Variants in NT5E observed in about 807,000 individuals in gnomAD.
NT5E encodes 5'-nucleotidase.
Under a neutral mutation model 55.1 loss-of-function variants are expected in NT5E, and 53 were observed. That is an observed-to-expected ratio of 0.96 (90% confidence interval 0.77 to 1.21). The LOEUF (loss-of-function observed/expected upper bound fraction) is 1.21. Among genes scored for constraint, NT5E ranks in the 50% most tolerant of loss-of-function variants. The pLI, the probability that NT5E is intolerant of heterozygous loss-of-function variation, is 0.00. For synonymous variants in NT5E, 270 were observed against 278.4 expected, an observed-to-expected ratio of 0.97 and a Z score of 0.30; for missense variants, 683 against 724.3, an observed-to-expected ratio of 0.94 and a Z score of 0.65.
At position 85,450,383 on chromosome 6, in the gene NT5E, G is replaced by C. The variant is rs765998698; in HGVS notation, c.244G>C (p.Asp82His). ...RRAEPNVLLL[D>H]AGDQYQGTIW... The stretch of plus-strand genomic sequence containing the variant: ...CGCCGAACCCAACGTGCTGCTGCTG[G>C]ACGCCGGCGACCAGTACCAGGGCAC... The change falls in exon 1 of 9, where the codon GAC (aspartate) becomes CAC (histidine). Residue 82 changes from aspartate to histidine, a missense_variant. Transcript: ENST00000257770. This position sits in a 1 kb window ranked among gnomAD's most constrained non-coding sequence, Gnocchi z 4.0. The C allele has an allele frequency of 6.3e-7, 1 of 1,599,890 alleles. No homozygotes were observed.
chr6:85,491,685 T>G (rs1325077200), intron 7 of NT5E, among the ~76,000 whole-genome samples: 1 of 152,234 alleles, frequency 6.6e-6, no homozygotes, highest in Non-Finnish European at 1.5e-5. Context: ...GTAGACCAAT[T>G]CAGCATTTTA....
At chr6:85,492,624 T>G (rs1769810033) in intron 8 of NT5E, among the ~76,000 whole-genome samples, 1 of 152,124 alleles carries the variant, frequency 6.6e-6, no homozygotes, top group Non-Finnish European at 1.5e-5. Context: ...GCACAGTGGG[T>G]TGGTGGTACA....
chr6:85,490,509 C>A lies in NT5E; in HGVS notation c.1212C>A (p.Gly404=). ...TGCCTCATCTGTGACTACCCTCAGGCACAATTACCTGGGAGAACCTGGCTG... is the reference window on the plus strand; with the variant it reads ...TGCCTCATCTGTGACTACCCTCAGGAACAATTACCTGGGAGAACCTGGCTG... ...IRSPIDERNN[G]TITWENLAAV... Residue 404 remains glycine (G), a splice_region_variant and synonymous_variant, in exon 7 of 9, where the codon GGC becomes GGA. Transcript: ENST00000257770. 2.5e-6 allele frequency: 4 copies of A among 1,614,210 alleles called. No individual in the cohort carries two copies. Among genetic ancestry groups the A allele is most frequent in the Non-Finnish European group, 3.4e-6 (4 of 1,180,020 alleles).
chr6:85,492,478 T>C (rs566397818), intron 8 of NT5E, among the ~76,000 whole-genome samples: 4 of 152,376 alleles, frequency 2.6e-5, no homozygotes, highest in Non-Finnish European at 5.9e-5. Flanking sequence ...GAGTTTTGCA[T>C]TAACAGAAAT....
intron 3 of NT5E, among the ~76,000 whole-genome samples, chr6:85,478,373 G>A (rs961164953): frequency 6.6e-6 from 1 of 152,236 alleles, no homozygotes; most frequent in Admixed American, 6.5e-5. Flanking sequence ...CAGCTACTGT[G>A]AAGTCTTAAG....
intron 8 of NT5E, among the ~76,000 whole-genome samples, chr6:85,493,434 A>T (rs776006165): frequency 1.8e-4 from 27 of 152,168 alleles, no homozygotes; most frequent in Non-Finnish European, 2.8e-4. Flanking sequence ...GGTAAAGGAA[A>T]TCCCCCAAGT....
rs574498075 is a variant in NT5E, at chr6:85,486,304, T to C, written c.949+872T>C. The stretch of plus-strand genomic sequence containing the variant: ...TTTCCATAACCTATGATTAGCAAGA[T>C]ATTAATCAGCAGTAACAATTGCAAC... On this transcript the variant is annotated intron_variant, in intron 4 of 8. Transcript: ENST00000257770. Among the ~76,000 whole-genome samples, 9 of 152,336 alleles carry C rather than the reference T, an allele frequency of 5.9e-5. No homozygotes were observed. The South Asian group carries it at 1.9e-3, about 32-fold the overall frequency.
intron 1 of NT5E, among the ~76,000 whole-genome samples, chr6:85,458,374 T>C (rs1452628299): frequency 1.3e-5 from 2 of 152,230 alleles, no homozygotes; most frequent in Non-Finnish European, 2.9e-5. Context: ...CTCTGCTTCC[T>C]CTTTTTCAGT....
chr6:85,492,988 G>A (rs1322019732), intron 8 of NT5E, among the ~76,000 whole-genome samples: 1 of 152,132 alleles, frequency 6.6e-6, no homozygotes, highest in East Asian at 1.9e-4. Flanking sequence ...TCCCTTCCGT[G>A]ACAGAAGATG....
chr6:85,450,371 G>A lies in NT5E; in HGVS notation c.232G>A (p.Val78Met), dbSNP rs773033652. 2 of 1,598,324 alleles carry A rather than the reference G, an allele frequency of 1.3e-6. No individual in the cohort carries two copies. Among genetic ancestry groups the A allele is most frequent in the Non-Finnish European group, 8.5e-7 (1 of 1,173,694 alleles). Residue 78 changes from valine to methionine, a missense_variant, in exon 1 of 9, where the codon GTG becomes ATG. Physicochemically the swap from Val to Met is conservative, Grantham distance 21. Coordinates refer to ENST00000257770, the MANE Select transcript of NT5E (RefSeq NM_002526.4). The surrounding 1 kb of genome is among the most constrained non-coding windows in gnomAD (Gnocchi z 4.0). ...GCAGATCCGCCGCGCCGAACCCAAC[G>A]TGCTGCTGCTGGACGCCGGCGACCA... ...VQQIRRAEPN[V>M]LLLDAGDQYQ...
intron 8 of NT5E, among the ~76,000 whole-genome samples, 174 bp from the exon 9 acceptor site, chr6:85,493,667 G>A (rs1769833452): frequency 6.6e-6 from 1 of 152,062 alleles, no homozygotes; most frequent in Admixed American, 6.5e-5. Flanking sequence ...TTTACATCTG[G>A]AGCATGAAAA....
rs67527174 is a variant in NT5E at position 85,464,067 on chromosome 6, A to ATTT, written c.340-2969_340-2967dup. Among the ~76,000 whole-genome samples, 77 of 98,438 alleles carry ATTT rather than the reference A, an allele frequency of 7.8e-4. 2 individuals are homozygous for ATTT. Among genetic ancestry groups the ATTT allele is most frequent in the African/African-American group, 1.9e-3 (49 of 25,722 alleles). 64.6% of individuals were successfully genotyped at this position (98,438 alleles called of 152,430 possible). A position where few individuals can be genotyped will look rare whatever the true frequency, so the allele number is the denominator to read the frequency against. The stretch of plus-strand genomic sequence containing the variant: ...ACATTTGCTGTGCAAGTAGTTAGGA[A>ATTT]TTTTTTTTTTTTTTTTTTTTTTTTT... On this transcript the variant is annotated intron_variant, in intron 1 of 8. Coordinates refer to ENST00000257770, the MANE Select transcript of NT5E (RefSeq NM_002526.4).
intron 3 of NT5E, among the ~76,000 whole-genome samples, chr6:85,477,772 G>A (rs1010945886): frequency 1.3e-5 from 2 of 152,350 alleles, no homozygotes; most frequent in East Asian, 1.9e-4. Context: ...TTGGGCATTT[G>A]ATAAGAACTG....
chr6:85,485,380 C>A lies in NT5E; in HGVS notation c.897C>A (p.Asn299Lys), dbSNP rs35478984. Residue 299 changes from asparagine (N) to lysine (K), a missense_variant, in exon 4 of 9, where the codon AAC becomes AAA. Asn to Lys is a moderately conservative substitution (Grantham distance 94). Coordinates refer to ENST00000257770, the MANE Select transcript of NT5E (RefSeq NM_002526.4). ...YLKIEFDERG[N>K]VISSHGNPIL... ...AGATCGAGTTTGATGAAAGAGGAAA[C>A]GTCATCTCTTCCCATGGAAATCCCA... 1.9e-6 allele frequency: 3 copies of A among 1,614,150 alleles called. No homozygotes were observed. Among genetic ancestry groups the A allele is most frequent in the South Asian group, 2.2e-5 (2 of 91,082 alleles).
chr6:85,454,819 G>C (rs1163237723), intron 1 of NT5E, among the ~76,000 whole-genome samples: 1 of 152,140 alleles, frequency 6.6e-6, no homozygotes, highest in East Asian at 1.9e-4. Flanking sequence ...ACAATCTGTG[G>C]CTATGCAATT....
chr6:85,456,357 A>G (rs138911924), intron 1 of NT5E, among the ~76,000 whole-genome samples: 263 of 152,318 alleles, frequency 1.7e-3, no homozygotes, highest in African/African-American at 5.8e-3. Context: ...CCAATTATCA[A>G]TCCCAAGGAT....
At chr6:85,477,511 C>T (rs1769460733) in intron 3 of NT5E, among the ~76,000 whole-genome samples, 1 of 152,146 alleles carries the variant, frequency 6.6e-6, no homozygotes, top group Non-Finnish European at 1.5e-5. Context: ...AGACTACAAG[C>T]ACCTGCTGTG....
intron 3 of NT5E, among the ~76,000 whole-genome samples, chr6:85,478,397 A>T (rs1434477019): frequency 2.0e-5 from 3 of 152,220 alleles, no homozygotes. Flanking sequence ...ACTCATAGGT[A>T]CGAATCTCTT....
intron 4 of NT5E, among the ~76,000 whole-genome samples, chr6:85,486,506 G>C (rs184550166): frequency 8.3e-4 from 126 of 152,172 alleles, no homozygotes; most frequent in African/African-American, 2.8e-3. Flanking sequence ...CCATGCGTCC[G>C]TTTATAGGCT....
Sources: gnomAD v4.1 joint callset for allele counts (sites outside exome capture counted in the v4.1 genomes callset) on GRCh38, gnomAD v4.1.1 for gene constraint, Gnocchi (gnomAD v3.1) non-coding constraint, MANE v1.5 for transcripts, NCBI Gene and HGNC (gene_info 2026-07-23, HGNC 2026-07-21) for gene names.